DHRS11: variants seen among roughly 807,000 people sequenced by gnomAD.
DHRS11 encodes dehydrogenase/reductase SDR family member 11.
In DHRS11, 18 loss-of-function variants were observed where a neutral mutation model predicts 30.7. The observed-to-expected ratio is 0.59, with a 90% CI of 0.41 to 0.87. DHRS11 has a LOEUF of 0.87. DHRS11 is among the 40% of genes least tolerant of loss of function. DHRS11 has a pLI of 0.00. For synonymous variants in DHRS11, 123 were observed against 139.6 expected (o/e 0.88, Z 0.84); for missense variants, 300 against 349.0 (o/e 0.86, Z 1.12).
chr17:36,600,408 G>A lies in DHRS11; in HGVS notation c.*205G>A. 1.5e-6 allele frequency: 1 copy of A among 649,202 alleles called. No homozygotes were observed. Among genetic ancestry groups the A allele is most frequent in the Non-Finnish European group, 2.6e-6 (1 of 377,456 alleles). 40.2% of individuals were successfully genotyped at this position (649,202 alleles called of 1,614,324 possible). A position where few individuals can be genotyped will look rare whatever the true frequency, so the allele number is the denominator to read the frequency against. On this transcript the variant is annotated 3_prime_UTR_variant, in exon 7 of 7. Transcript: ENST00000618403. The stretch of plus-strand genomic sequence containing the variant: ...AAAAATGGGCTGGGGAAAGGAGGTG[G>A]TGTCCCTAATTGTTTTACTTGTTAA...
intron 3 of DHRS11, 156 bp downstream of exon 3, chr17:36,598,413 A>G (rs2074828796): frequency 2.7e-6 from 2 of 727,636 alleles, no homozygotes; most frequent in South Asian, 3.6e-5. Flanking sequence ...TAATGTTGTC[A>G]AGTACCAGCC....
chr17:36,596,427 T>C (rs2074811621), intron 2 of DHRS11: 3 of 169,824 alleles, frequency 1.8e-5, no homozygotes, highest in African/African-American at 7.2e-5. Flanking sequence ...CCCAGAGTGC[T>C]GGGATTACAG....
Position 36,600,211 on chromosome 17 carries a change from G to C in DHRS11, c.*8G>C. Reference sequence around the variant, plus strand: ...ACGGAGCAGGTGACCTAGTGACTGTGGGAGCTCCTCCTTCCCTCCCCACCC... The same window carrying C: ...ACGGAGCAGGTGACCTAGTGACTGTCGGAGCTCCTCCTTCCCTCCCCACCC... On this transcript the variant is annotated 3_prime_UTR_variant, in exon 7 of 7. Transcript: ENST00000618403. 6.2e-7 allele frequency: 1 copy of C among 1,614,128 alleles called. No homozygotes were observed. The highest frequency in any genetic ancestry group is 8.5e-7 in the Non-Finnish European group (1 of 1,180,028).
At chr17:36,594,942 C>G (rs746225237) in intron 1 of DHRS11, 29 bp from the exon 2 acceptor site, 19 of 1,611,260 alleles carry the variant, frequency 1.2e-5, no homozygotes. Context: ...AGCTGCTCAC[C>G]CCAGTCAGAC....
Position 36,592,136 on chromosome 17 carries a change from C to G in DHRS11, c.127C>G (p.Arg43Gly). 7.8e-7 allele frequency: 1 copy of G among 1,282,196 alleles called. No individual in the cohort carries two copies. Among genetic ancestry groups the G allele is most frequent in the Non-Finnish European group, 9.9e-7 (1 of 1,013,968 alleles). 79.4% of individuals were successfully genotyped at this position (1,282,196 alleles called of 1,614,324 possible). A position where few individuals can be genotyped will look rare whatever the true frequency, so the allele number is the denominator to read the frequency against. ...GGGACTGAAGGTGGTGGGCTGCGCC[C>G]GCACTGTGGGCAACATCGAGGTGAG... Reference protein sequence around the residue: ...QQGLKVVGCARTVGNIEELAA... With the variant: ...QQGLKVVGCAGTVGNIEELAA... Residue 43 changes from arginine to glycine, a missense_variant, in exon 1 of 7, where the codon CGC (arginine) becomes GGC (glycine). Physicochemically the swap from Arg to Gly is moderately radical, Grantham distance 125 (BLOSUM62 -2). Transcript: ENST00000618403. This position sits in a 1 kb window ranked among gnomAD's most constrained non-coding sequence, Gnocchi z 4.4.
chr17:36,594,185 C>T (rs1685060132), intron 1 of DHRS11, among the ~76,000 whole-genome samples: 3 of 152,060 alleles, frequency 2.0e-5, no homozygotes. Context: ...AACTCTGAGC[C>T]AGTTGGCTGC....
Position 36,592,201 on chromosome 17 carries a change from C to A in DHRS11, c.147+45C>A. ...GGGGACGTCGCGGGCGGGTCGTTTC[C>A]CCGGAGTCGGGTTCACCTGCCCGCC... On this transcript the variant is annotated intron_variant, in intron 1 of 6. Coordinates refer to ENST00000618403, the MANE Select transcript of DHRS11 (RefSeq NM_024308.4). This position sits in a 1 kb window ranked among gnomAD's most constrained non-coding sequence, Gnocchi z 4.4. 1 of 1,247,162 alleles carries A rather than the reference C, an allele frequency of 8.0e-7. No homozygotes were observed. The highest frequency in any genetic ancestry group is 3.1e-5 in the East Asian group (1 of 32,460). 77.3% of individuals were successfully genotyped at this position (1,247,162 alleles called of 1,614,324 possible).
At position 36,600,454 on chromosome 17, in the gene DHRS11, C is replaced by T. The variant is rs2074850964; in HGVS notation, c.*251C>T. On this transcript the variant is annotated 3_prime_UTR_variant, in exon 7 of 7. Transcript: ENST00000618403. ...GTTAACTTGTTCTTGTGCCCCTGGG[C>T]ACTTGGCCTTTGTCTGCTCTCAGTG... 1.7e-6 allele frequency: 1 copy of T among 595,892 alleles called. No homozygotes were observed. The highest frequency in any genetic ancestry group is 1.9e-5 in the African/African-American group (1 of 53,868). 36.9% of individuals were successfully genotyped at this position (595,892 alleles called of 1,614,324 possible).
chr17:36,600,454 C>G lies in DHRS11; in HGVS notation c.*251C>G. The G allele has an allele frequency of 3.4e-6, 2 of 595,892 alleles. No homozygotes were observed. The highest frequency in any genetic ancestry group is 2.0e-5 in the South Asian group (1 of 49,108). The allele number at this position is 595,892 out of a possible 1,614,324, so 36.9% of individuals were successfully genotyped here. ...GTTAACTTGTTCTTGTGCCCCTGGG[C>G]ACTTGGCCTTTGTCTGCTCTCAGTG... On this transcript the variant is annotated 3_prime_UTR_variant, in exon 7 of 7. Coordinates refer to ENST00000618403, the MANE Select transcript of DHRS11 (RefSeq NM_024308.4).
chr17:36,594,019 T>C lies in DHRS11; in HGVS notation c.148-952T>C, dbSNP rs568215831. Among the ~76,000 whole-genome samples the C allele has an allele frequency of 1.5e-4, 23 of 152,336 alleles. No individual in the cohort carries two copies. In the South Asian group the frequency reaches 4.8e-3, roughly 32 times the overall value. On this transcript the variant is annotated intron_variant, in intron 1 of 6. Coordinates refer to ENST00000618403, the MANE Select transcript of DHRS11 (RefSeq NM_024308.4). ...TGCACAGGGGGTGTTCAATGGCACC[T>C]GCCACCTGAATTGCCTCATAGTCTC...
Position 36,600,126 on chromosome 17 carries a change from G to A in DHRS11, c.742-36G>A, listed in dbSNP as rs752466323. 10 of 1,613,574 alleles carry A rather than the reference G, an allele frequency of 6.2e-6. No homozygotes were observed. The South Asian group carries it at 9.9e-5, about 16-fold the overall frequency. On this transcript the variant is annotated intron_variant, in intron 6 of 6. Transcript: ENST00000618403. The stretch of plus-strand genomic sequence containing the variant: ...GGGAGCCCTGCAGGGCCAGGGGAGA[G>A]TGTCACAGCTGCCTCATGCCTTGTA...
intron 3 of DHRS11, 22 bp downstream of exon 3, chr17:36,598,279 G>A: frequency 6.2e-7 from 1 of 1,609,008 alleles, no homozygotes. Context: ...TGGCCAATGG[G>A]TACCACTCAC....
intron 3 of DHRS11, 138 bp from the exon 4 acceptor site, chr17:36,598,782 TA>T: frequency 1.8e-6 from 2 of 1,117,796 alleles, no homozygotes; most frequent in South Asian, 3.2e-5. Context: ...TAGTGAGCTG[TA>T]GGATGGCCAG....
chr17:36,598,274 A>C lies in DHRS11; in HGVS notation c.452+17A>C. On this transcript the variant is annotated intron_variant, in intron 3 of 6. Coordinates refer to ENST00000618403, the MANE Select transcript of DHRS11 (RefSeq NM_024308.4). ...CATCAATAGGTGAGGGCAGGTGGCC[A>C]ATGGGTACCACTCACCCACCAGGCT... 6.2e-7 allele frequency: 1 copy of C among 1,612,432 alleles called. No individual in the cohort carries two copies. The highest frequency in any genetic ancestry group is 1.3e-5 in the African/African-American group (1 of 75,014).
At chr17:36,599,634 A>G in intron 4 of DHRS11, 37 bp from the exon 5 acceptor site, 1 of 1,611,172 alleles carries the variant, frequency 6.2e-7, no homozygotes, top group Non-Finnish European at 8.5e-7. Flanking sequence ...GACCTGGCAA[A>G]GCTCAGCCCC....
At chr17:36,596,860 G>C (rs906564525) in intron 2 of DHRS11, 2 of 470,748 alleles carry the variant, frequency 4.2e-6, no homozygotes, top group Non-Finnish European at 8.8e-6. Context: ...CTTGGGCCTG[G>C]AAATGAAGCC....
rs527857890 is a variant in DHRS11, at chr17:36,594,424, GTTTA to G, written c.148-523_148-520del. Among the ~76,000 whole-genome samples the G allele has an allele frequency of 1.2e-3, 182 of 152,042 alleles. 2 individuals are homozygous for G. The East Asian group carries it at 0.019, about 16-fold the overall frequency. Reference sequence around the variant, plus strand: ...GGCCCCTGTTCCACCCAGGACTTGAGTTTATTTATTTATTTATTTATTTATTTGA... The same window carrying G: ...GGCCCCTGTTCCACCCAGGACTTGAGTTTATTTATTTATTTATTTATTTGA... On this transcript the variant is annotated intron_variant, in intron 1 of 6. Coordinates refer to ENST00000618403, the MANE Select transcript of DHRS11 (RefSeq NM_024308.4).
chr17:36,599,495 A>T (rs1169362312), intron 4 of DHRS11, 176 bp from the exon 5 acceptor site: 1 of 628,224 alleles, frequency 1.6e-6, no homozygotes, highest in Non-Finnish European at 2.8e-6. Flanking sequence ...GGCTCTGTAG[A>T]TGGTAGGTAT....
Position 36,595,022 on chromosome 17 carries a change from T to G in DHRS11, c.199T>G (p.Tyr67Asp), listed in dbSNP as rs746448726. The G allele has an allele frequency of 6.2e-7, 1 of 1,614,102 alleles. No homozygotes were observed. The highest frequency in any genetic ancestry group is 8.5e-7 in the Non-Finnish European group (1 of 1,180,038). Residue 67 changes from tyrosine to aspartate, a missense_variant, in exon 2 of 7, where the codon TAC becomes GAC. By Grantham distance (160) the Tyr-to-Asp change is radical. Transcript: ENST00000618403. ...AGGCTACCCCGGGACTTTGATCCCC[T>G]ACAGATGTGACCTATCAAATGAAGA... ...SAGYPGTLIP[Y>D]RCDLSNEEDI...
Sources: allele counts gnomAD v4.1 joint callset (sites outside exome capture counted in the v4.1 genomes callset), GRCh38; gene constraint gnomAD v4.1.1; non-coding constraint Gnocchi (gnomAD v3.1); transcripts MANE v1.5; gene names NCBI Gene and HGNC (gene_info 2026-07-23, HGNC 2026-07-21).